Variants in LARP1 observed in about 807,000 individuals in gnomAD.
The protein encoded by LARP1 is la-related protein 1.
A neutral mutation model predicts 122.7 loss-of-function variants in LARP1; 36 were observed. The observed-to-expected ratio is 0.29, with a 90% CI of 0.22 to 0.39. The LOEUF (loss-of-function observed/expected upper bound fraction) is 0.39. LARP1 is among the 10% of genes least tolerant of loss of function. The pLI is 1.00. For missense variants in LARP1, 1,040 were observed against 1,403.6 expected (o/e 0.74, Z 4.14); for synonymous variants, 539 against 528.7 (o/e 1.02, Z -0.27).
Position 154,790,826 on chromosome 5 carries a change from T to C in LARP1, c.564+116T>C, listed in dbSNP as rs139023474. 6.2e-4 allele frequency: 603 copies of C among 966,984 alleles called. 3 individuals carry two copies. In the African/African-American group the frequency reaches 9.0e-3, roughly 14 times the overall value. 59.9% of individuals were successfully genotyped at this position (966,984 alleles called of 1,614,324 possible). ...CTTTCTCAGTTTTCATTCTTTCTTT[T>C]TTTTCCCCCCAACAGAGTTTCACTC... On this transcript the variant is annotated intron_variant, in intron 3 of 18. Coordinates refer to ENST00000518297, the MANE Select transcript of LARP1 (RefSeq NM_033551.3).
rs193059026 is a variant in LARP1, at chr5:154,705,050, G to A, written c.-180+22013G>A. ...GGAGAATTATGTGAACCTAGGAGGC[G>A]GAGGTTGCAGTGAGCTGAGATTACG... On this transcript the variant is annotated intron_variant, in intron 1 of 18. Transcript: ENST00000687700. Among the ~76,000 whole-genome samples the A allele has an allele frequency of 6.6e-5, 10 of 150,894 alleles. No homozygotes were observed. In the East Asian group the frequency reaches 1.6e-3, roughly 24 times the overall value.
At chr5:154,756,263 C>T in intron 1 of LARP1, 70 bp downstream of exon 1, 3 of 1,105,300 alleles carry the variant, frequency 2.7e-6, no homozygotes, top group Non-Finnish European at 3.4e-6. Flanking sequence ...CCTCCCCCAG[C>T]ACCTCCAGGG....
At chr5:154,685,746 GA>G (rs1753905191) in intron 1 of LARP1, 1 of 470,290 alleles carries the variant, frequency 2.1e-6, no homozygotes, top group Non-Finnish European at 4.2e-6. Flanking sequence ...CCAAGTGGGA[GA>G]AACACTTGAG....
intron 1 of LARP1, among the ~76,000 whole-genome samples, chr5:154,788,938 G>C (rs374251219): frequency 6.6e-6 from 1 of 152,236 alleles, no homozygotes; most frequent in East Asian, 1.9e-4. Context: ...TTAGCCAGGC[G>C]TAGTGGCTGA....
intron 10 of LARP1, among the ~76,000 whole-genome samples, chr5:154,801,090 A>C (rs1221891939): frequency 6.6e-6 from 1 of 152,226 alleles, no homozygotes; most frequent in South Asian, 2.1e-4. Context: ...TTTAGAGTTT[A>C]TGTGCTCTTG....
At position 154,808,364 on chromosome 5, in the gene LARP1, A is replaced by G. The variant is rs1033132674; in HGVS notation, c.2699-95A>G. The stretch of plus-strand genomic sequence containing the variant: ...GAGTGAGGGGATTTGGAAGTACATG[A>G]GAAAGGACCAAGTCTTAAGTTCCAG... On this transcript the variant is annotated intron_variant, in intron 15 of 18. Coordinates refer to ENST00000518297, the MANE Select transcript of LARP1 (RefSeq NM_033551.3). 9 of 1,464,716 alleles carry G rather than the reference A, an allele frequency of 6.1e-6. No individual in the cohort carries two copies. The African/African-American group carries it at 1.3e-4, about 21-fold the overall frequency. The allele number at this position is 1,464,716 out of a possible 1,614,324, so 90.7% of individuals were successfully genotyped here.
At chr5:154,688,015 G>A (rs140907500) in intron 1 of LARP1, among the ~76,000 whole-genome samples, 2 of 152,172 alleles carry the variant, frequency 1.3e-5, no homozygotes, top group Admixed American at 6.6e-5. Context: ...CAGTTTCCCT[G>A]TGCCTCCCTT....
Position 154,799,863 on chromosome 5 carries a change from C to CGAA in LARP1, c.1547-10_1547-9insGAA, listed in dbSNP as rs761970393. 1 of 1,612,930 alleles carries CGAA rather than the reference C, an allele frequency of 6.2e-7. No individual in the cohort carries two copies. Among genetic ancestry groups the CGAA allele is most frequent in the East Asian group, 2.2e-5 (1 of 44,864 alleles). On this transcript the variant is annotated splice_polypyrimidine_tract_variant and intron_variant, in intron 9 of 18. Coordinates refer to ENST00000518297, the MANE Select transcript of LARP1 (RefSeq NM_033551.3). ...TGGAGGGATGAGGACTTCCCCTTTC[C>CGAA]ACCCTTTAGAGTCGGCACCTGGCTC...
At chr5:154,710,359 C>T (rs1755155902), upstream of LARP1, among the ~76,000 whole-genome samples, 2 of 152,138 alleles carry the variant, frequency 1.3e-5, no homozygotes, top group African/African-American at 2.4e-5. Flanking sequence ...TGCCTGTAAT[C>T]CCAGTACTTT....
rs184114485 is a variant in LARP1, at chr5:154,686,305, G to A, written c.-180+3268G>A. Among the ~76,000 whole-genome samples the A allele has an allele frequency of 7.0e-4, 107 of 152,310 alleles. 1 individual carries two copies. In the East Asian group the frequency reaches 0.014, roughly 19 times the overall value. On this transcript the variant is annotated intron_variant, in intron 1 of 18. Transcript: ENST00000687700. ...TCACTTCTGGCTGCGGGGATGCTCC[G>A]GAAGAGGTGGTGTTTTGGCTGGGTC... is the stretch of plus-strand genomic sequence containing the variant.
chr5:154,803,502 C>T lies in LARP1; in HGVS notation c.2234-38C>T, dbSNP rs747178780. 1 of 1,613,884 alleles carries T rather than the reference C, an allele frequency of 6.2e-7. No individual in the cohort carries two copies. Among genetic ancestry groups the T allele is most frequent in the African/African-American group, 1.3e-5 (1 of 74,880 alleles). On this transcript the variant is annotated intron_variant, in intron 12 of 18. Transcript: ENST00000518297. The surrounding 1 kb of genome is among the most constrained non-coding windows in gnomAD (Gnocchi z 4.4). ...CTATCCTGGGGTGGATGCCACAGGC[C>T]TTTCCCTGCTTCCTGACTCCTCTCT... is the stretch of plus-strand genomic sequence containing the variant.
chr5:154,799,309 T>C (rs1178432633), intron 8 of LARP1, among the ~76,000 whole-genome samples: 1 of 152,216 alleles, frequency 6.6e-6, no homozygotes, highest in Non-Finnish European at 1.5e-5. Context: ...ATATTATACA[T>C]ACTGCTCCCT....
chr5:154,812,931 CAT>C (rs1218719816), intron 18 of LARP1, among the ~76,000 whole-genome samples: 11 of 152,292 alleles, frequency 7.2e-5, no homozygotes, highest in Middle Eastern at 6.8e-3. Flanking sequence ...CCTCCCGCGA[CAT>C]GTGGGGATTA....
intron 1 of LARP1, among the ~76,000 whole-genome samples, chr5:154,774,561 C>A (rs921357347): frequency 6.6e-6 from 1 of 152,170 alleles, no homozygotes; most frequent in Admixed American, 6.5e-5. Flanking sequence ...TTGGATATAA[C>A]GGGTTGGTAC....
intron 18 of LARP1, among the ~76,000 whole-genome samples, chr5:154,813,098 A>G (rs925300170): frequency 3.5e-5 from 1 of 28,890 alleles, no homozygotes; most frequent in African/African-American, 5.3e-4. Context: ...GACAGGACTT[A>G]TTAGGTTAAC....
At chr5:154,746,242 G>A (rs1190528400) in intron 1 of LARP1, among the ~76,000 whole-genome samples, 1 of 152,004 alleles carries the variant, frequency 6.6e-6, no homozygotes, top group Non-Finnish European at 1.5e-5. Flanking sequence ...GTCCCTTATT[G>A]TTTCCACACT....
intron 1 of LARP1, among the ~76,000 whole-genome samples, chr5:154,780,334 C>T (rs1226466178): frequency 6.6e-6 from 1 of 152,222 alleles, no homozygotes; most frequent in African/African-American, 2.4e-5. Context: ...CTTCAAAGCA[C>T]CCTCCCCTGT....
intron 1 of LARP1, among the ~76,000 whole-genome samples, chr5:154,744,338 A>T (rs1382414612): frequency 6.6e-6 from 1 of 152,026 alleles, no homozygotes; most frequent in African/African-American, 2.4e-5. Context: ...CCTCTCCTTT[A>T]GTCTCCTGAA....
At chr5:154,755,157 G>C (rs1463468335), upstream of LARP1, among the ~76,000 whole-genome samples, 1 of 151,356 alleles carries the variant, frequency 6.6e-6, no homozygotes, top group African/African-American at 2.4e-5. Flanking sequence ...GAGGTGCTCT[G>C]AGGAATCGGA....
Sources: gnomAD v4.1 joint callset for allele counts (sites outside exome capture counted in the v4.1 genomes callset) on GRCh38, gnomAD v4.1.1 for gene constraint, Gnocchi (gnomAD v3.1) non-coding constraint, MANE v1.5 for transcripts, NCBI Gene and HGNC (gene_info 2026-07-23, HGNC 2026-07-21) for gene names.